Variants in EFNA5 observed in about 807,000 individuals in gnomAD.
EFNA5 encodes ephrin A5.
EFNA5 carries 5 observed loss-of-function variants against 22.9 expected under a neutral mutation model. That is an observed-to-expected ratio of 0.22 (90% CI 0.11 to 0.46). The LOEUF (loss-of-function observed/expected upper bound fraction) is 0.46, where lower values mean the gene tolerates loss of function less well. EFNA5 is among the 20% of genes least tolerant of loss of function. The pLI, the probability that EFNA5 is intolerant of heterozygous loss-of-function variation, is 0.99. For missense variants in EFNA5, 237 were observed against 293.3 expected (o/e 0.81, Z 1.40); for synonymous variants, 113 against 112.2 (o/e 1.01, Z -0.04).
chr5:107,507,983 C>A (rs1163385434), intron 1 of EFNA5, among the ~76,000 whole-genome samples: 2 of 152,100 alleles, frequency 1.3e-5, no homozygotes, highest in Non-Finnish European at 2.9e-5. Context: ...GGGATCTAAC[C>A]ATTAAAGGAT....
chr5:107,638,047 G>A (rs927531246), intron 1 of EFNA5, among the ~76,000 whole-genome samples: 4 of 151,342 alleles, frequency 2.6e-5, no homozygotes, highest in African/African-American at 7.3e-5. Context: ...TAGAGACGGG[G>A]TTTCACCATG....
Position 107,381,382 on chromosome 5 carries a change from C to A in EFNA5, c.566-6G>T. 6.2e-7 allele frequency: 1 copy of A among 1,604,128 alleles called. No homozygotes were observed. Among genetic ancestry groups the A allele is most frequent in the South Asian group, 1.1e-5 (1 of 90,762 alleles). On this transcript the variant is annotated splice_polypyrimidine_tract_variant and splice_region_variant and intron_variant, in intron 4 of 4. Coordinates refer to ENST00000333274, the MANE Select transcript of EFNA5 (RefSeq NM_001962.3). ...TGACTCATGTACGGTGTCATCTGTT[C>A]AAATAGAAAGCACACATTCCAATGA... is the stretch of plus-strand genomic sequence containing the variant.
intron 1 of EFNA5, among the ~76,000 whole-genome samples, chr5:107,470,995 AC>A (rs1437959395): frequency 2.0e-5 from 3 of 152,256 alleles, no homozygotes; most frequent in Admixed American, 2.0e-4. Context: ...ATCTCTCAGA[AC>A]CCATTTTAAT....
intron 2 of EFNA5, among the ~76,000 whole-genome samples, chr5:107,410,886 TATATTCTGTTGATGCCAATGAAATAAAG>T (rs1330950232): frequency 1.3e-5 from 2 of 152,208 alleles, no homozygotes; most frequent in Non-Finnish European, 2.9e-5. Context: ...TTGCATGTCT[TATATTCTGTTGATGCCAATGAAATAAAG>T]CTGGAAATTA....
At chr5:107,487,929 T>C (rs1387676402) in intron 1 of EFNA5, among the ~76,000 whole-genome samples, 1 of 152,244 alleles carries the variant, frequency 6.6e-6, no homozygotes, top group East Asian at 1.9e-4. Context: ...TACTGTATTA[T>C]ATCCAACATT....
At chr5:107,448,244 G>A (rs543396615) in intron 1 of EFNA5, among the ~76,000 whole-genome samples, 3 of 152,332 alleles carry the variant, frequency 2.0e-5, no homozygotes, top group African/African-American at 7.2e-5. Context: ...CATTAGACCA[G>A]GCAAACAAAC....
At position 107,669,656 on chromosome 5, in the gene EFNA5, G is replaced by A. The variant is rs1751145472; in HGVS notation, c.125+833C>T. The stretch of plus-strand genomic sequence containing the variant: ...CTCCCGCATACCCGGCGGGCTTCGG[G>A]ACGCCTACAAATCGGTTCCAGGTAA... On this transcript the variant is annotated intron_variant, in intron 1 of 4. Coordinates refer to ENST00000333274, the MANE Select transcript of EFNA5 (RefSeq NM_001962.3). Among the ~76,000 whole-genome samples the A allele has an allele frequency of 2.0e-5, 3 of 152,242 alleles. 1 individual carries two copies. The South Asian group carries it at 6.2e-4, about 32-fold the overall frequency.
At chr5:107,640,425 T>G (rs1262947604) in intron 1 of EFNA5, among the ~76,000 whole-genome samples, 1 of 152,236 alleles carries the variant, frequency 6.6e-6, no homozygotes, top group Non-Finnish European at 1.5e-5. Flanking sequence ...TATGTGTAAA[T>G]GTTATTTTAA....
At chr5:107,570,340 C>T (rs1748775076) in intron 1 of EFNA5, among the ~76,000 whole-genome samples, 2 of 152,212 alleles carry the variant, frequency 1.3e-5, no homozygotes, top group Non-Finnish European at 2.9e-5. Flanking sequence ...CGTTCTGCTG[C>T]CTCCGGAAAC....
chr5:107,624,673 T>C (rs1386129389), intron 1 of EFNA5, among the ~76,000 whole-genome samples: 4 of 152,108 alleles, frequency 2.6e-5, no homozygotes, highest in African/African-American at 7.2e-5. Context: ...ATGGATTAAC[T>C]CCACCTCAAA....
chr5:107,504,848 A>T (rs1176609064), intron 1 of EFNA5, among the ~76,000 whole-genome samples: 1 of 152,198 alleles, frequency 6.6e-6, no homozygotes, highest in Non-Finnish European at 1.5e-5. Context: ...AATAACCCTA[A>T]TTATTTTATT....
rs1580411222 is a variant in EFNA5, at chr5:107,380,550, A to G, written c.*705T>C. ...TTCTCTGTTTTCACACCTGCTCTGT[A>G]TTAGCATTCCACACCCAACCTGCCT... On this transcript the variant is annotated 3_prime_UTR_variant, in exon 5 of 5. Coordinates refer to ENST00000333274, the MANE Select transcript of EFNA5 (RefSeq NM_001962.3). 1 of 355,922 alleles carries G rather than the reference A, an allele frequency of 2.8e-6. No individual in the cohort carries two copies. Among genetic ancestry groups the G allele is most frequent in the South Asian group, 1.5e-4 (1 of 6,530 alleles). The allele number at this position is 355,922 out of a possible 1,614,324, so 22.0% of individuals were successfully genotyped here.
intron 1 of EFNA5, among the ~76,000 whole-genome samples, chr5:107,492,919 A>G (rs2112415724): frequency 6.6e-6 from 1 of 151,886 alleles, no homozygotes; most frequent in East Asian, 1.9e-4. Flanking sequence ...GGATCGCTTG[A>G]ACCGGGAGGC....
chr5:107,619,665 T>C (rs963004838), intron 1 of EFNA5, among the ~76,000 whole-genome samples: 14 of 151,974 alleles, frequency 9.2e-5, no homozygotes, highest in Admixed American at 3.3e-4. Flanking sequence ...GGTTTCACTA[T>C]GTTGGTCAGG....
rs1362666212 is a variant in EFNA5, at chr5:107,378,514, C to CA, written c.*2740dup. ...CCCCCAGAGGATTGTAACACCACCACAAAAGGCCACCAACACTTTTTAAAC... is the reference window on the plus strand; with the variant it reads ...CCCCCAGAGGATTGTAACACCACCACAAAAAGGCCACCAACACTTTTTAAAC... On this transcript the variant is annotated 3_prime_UTR_variant, in exon 5 of 5. Transcript: ENST00000333274. The CA allele has an allele frequency of 6.6e-6, 1 of 152,158 alleles. No individual in the cohort carries two copies. The highest frequency in any genetic ancestry group is 2.4e-5 in the African/African-American group (1 of 41,438). 9.4% of individuals were successfully genotyped at this position (152,158 alleles called of 1,614,324 possible).
chr5:107,429,970 G>A (rs1259740868), intron 1 of EFNA5, among the ~76,000 whole-genome samples: 1 of 152,126 alleles, frequency 6.6e-6, no homozygotes, highest in Non-Finnish European at 1.5e-5. Context: ...CTCTTGAAAA[G>A]CAGCATGCTG....
At chr5:107,581,734 G>A (rs1318149533) in intron 1 of EFNA5, among the ~76,000 whole-genome samples, 1 of 152,150 alleles carries the variant, frequency 6.6e-6, no homozygotes, top group Non-Finnish European at 1.5e-5. Flanking sequence ...GTGTAAATGG[G>A]AACAGGGAGT....
chr5:107,530,616 C>A (rs914082833), intron 1 of EFNA5, among the ~76,000 whole-genome samples: 1 of 152,128 alleles, frequency 6.6e-6, no homozygotes, highest in Non-Finnish European at 1.5e-5. Context: ...AATGAACATA[C>A]CAAATTTAAC....
intron 1 of EFNA5, among the ~76,000 whole-genome samples, chr5:107,559,296 C>G (rs560925052): frequency 9.8e-5 from 15 of 152,320 alleles, no homozygotes; most frequent in African/African-American, 3.6e-4. Context: ...ATTTTCTGAT[C>G]ATTCGTTGTG....
Sources: allele counts gnomAD v4.1 joint callset (sites outside exome capture counted in the v4.1 genomes callset), GRCh38; gene constraint gnomAD v4.1.1; transcripts MANE v1.5; gene names NCBI Gene and HGNC (gene_info 2026-07-23, HGNC 2026-07-21).